Variants in RAB7A observed in about 807,000 individuals in gnomAD.
The protein encoded by RAB7A is RAB7A, member RAS oncogene family.
Under a neutral mutation model 24.5 loss-of-function variants are expected in RAB7A, and 2 were observed. The observed-to-expected ratio is 0.08, with a 90% confidence interval of 0.03 to 0.26. RAB7A has a LOEUF of 0.26. Among genes scored for constraint, RAB7A ranks in the 10% least tolerant of loss-of-function variants. The probability of loss-of-function intolerance (pLI) is 1.00; values close to 1 mark genes in which losing one functional copy is unlikely to be tolerated. For missense variants in RAB7A, 118 were observed against 255.7 expected (o/e 0.46, Z 3.67); for synonymous variants, 100 against 95.9 (o/e 1.04, Z -0.25).
chr3:128,748,452 A>G (rs1231281110), intron 1 of RAB7A: 1 of 151,500 alleles, frequency 6.6e-6, no homozygotes, highest in Admixed American at 6.6e-5. Context: ...GGAAGGTGGA[A>G]TATACTTTGG....
intron 1 of RAB7A, among the ~76,000 whole-genome samples, chr3:128,766,185 A>G (rs904949434): frequency 1.3e-5 from 2 of 152,340 alleles, no homozygotes; most frequent in African/African-American, 2.4e-5. Flanking sequence ...AAAAATTAAC[A>G]TGAACTCTGA....
intron 1 of RAB7A, among the ~76,000 whole-genome samples, chr3:128,774,175 A>G (rs1012532724): frequency 1.7e-4 from 25 of 146,014 alleles, no homozygotes; most frequent in African/African-American, 5.7e-4. Flanking sequence ...CCCCTAATAT[A>G]TGTATTAACT....
At chr3:128,773,905 C>G (rs1334618391) in intron 1 of RAB7A, among the ~76,000 whole-genome samples, 5 of 151,322 alleles carry the variant, frequency 3.3e-5, no homozygotes, top group Admixed American at 2.0e-4. Context: ...GAGTCATCAC[C>G]ACTCCCTAAT....
intron 1 of RAB7A, chr3:128,749,170 G>A (rs1279131076): frequency 1.3e-5 from 2 of 152,210 alleles, no homozygotes. Flanking sequence ...GCAGGAACTG[G>A]CCTCAGGTCT....
At chr3:128,737,825 GTTTTTTTTTTTTTTT>G (rs56027163) in intron 1 of RAB7A, among the ~76,000 whole-genome samples, 10,762 of 59,880 alleles carry the variant, frequency 0.18, 925 homozygotes, top group African/African-American at 0.32. Context: ...TTTTTTTGTA[GTTTTTTTTTTTTTTT>G]TTTTTTTTTT....
At chr3:128,764,379 G>A (rs1454864385) in intron 1 of RAB7A, 2 of 656,724 alleles carry the variant, frequency 3.0e-6, no homozygotes, top group Non-Finnish European at 5.5e-6. Flanking sequence ...ACAACTTATA[G>A]AAAAGGTAAA....
At chr3:128,765,261 C>G (rs2070819275) in intron 1 of RAB7A, among the ~76,000 whole-genome samples, 1 of 152,128 alleles carries the variant, frequency 6.6e-6, no homozygotes, top group Admixed American at 6.5e-5. Flanking sequence ...CAGTGCCTGT[C>G]CAGTACCCTC....
chr3:128,798,658 T>C (rs902587321), intron 3 of RAB7A, among the ~76,000 whole-genome samples: 2 of 151,824 alleles, frequency 1.3e-5, no homozygotes, highest in African/African-American at 2.4e-5. Flanking sequence ...TCCCTTTTTT[T>C]CCCCCATTGA....
chr3:128,727,045 C>T (rs1377570601), intron 1 of RAB7A, among the ~76,000 whole-genome samples: 4 of 152,212 alleles, frequency 2.6e-5, no homozygotes, highest in Non-Finnish European at 4.4e-5. Flanking sequence ...TGTTTCCATT[C>T]CGACCGTGTT....
At chr3:128,800,175 A>G (rs984877727) in intron 3 of RAB7A, among the ~76,000 whole-genome samples, 3 of 152,252 alleles carry the variant, frequency 2.0e-5, no homozygotes, top group African/African-American at 7.2e-5. Flanking sequence ...CAAAATCTTA[A>G]GAGCAACTAT....
At chr3:128,801,648 A>G (rs975792285) in intron 3 of RAB7A, among the ~76,000 whole-genome samples, 2 of 152,242 alleles carry the variant, frequency 1.3e-5, no homozygotes, top group African/African-American at 4.8e-5. Flanking sequence ...AAGGGCTGGA[A>G]GAATGAAAGA....
intron 5 of RAB7A, among the ~76,000 whole-genome samples, chr3:128,810,790 A>G (rs146092722): frequency 6.6e-6 from 1 of 152,250 alleles, no homozygotes; most frequent in Non-Finnish European, 1.5e-5. Flanking sequence ...GCGGTGGCTC[A>G]TGCCTGTAAT....
intron 1 of RAB7A, among the ~76,000 whole-genome samples, chr3:128,736,810 T>G (rs563300376): frequency 1.3e-5 from 2 of 152,300 alleles, no homozygotes; most frequent in African/African-American, 4.8e-5. Context: ...GAATCAAGTG[T>G]GATCCTACAT....
chr3:128,726,731 G>A (rs1196772445), intron 1 of RAB7A, among the ~76,000 whole-genome samples: 1 of 152,180 alleles, frequency 6.6e-6, no homozygotes, highest in Non-Finnish European at 1.5e-5. Flanking sequence ...GGGTGTCAGA[G>A]CCCACGCCGC....
chr3:128,800,973 T>C (rs1656770711), intron 3 of RAB7A, among the ~76,000 whole-genome samples: 1 of 152,244 alleles, frequency 6.6e-6, no homozygotes. Context: ...GTCATTATCC[T>C]GATCTTGAGG....
At chr3:128,729,328 T>C (rs964000852) in intron 1 of RAB7A, among the ~76,000 whole-genome samples, 6 of 152,156 alleles carry the variant, frequency 3.9e-5, no homozygotes, top group Admixed American at 6.5e-5. Context: ...CCCAGCACTT[T>C]GGGAGGCCGA....
intron 1 of RAB7A, among the ~76,000 whole-genome samples, chr3:128,733,431 TA>T (rs1442743992): frequency 3.9e-5 from 6 of 152,194 alleles, no homozygotes; most frequent in Non-Finnish European, 7.3e-5. Flanking sequence ...TGTATTTAAG[TA>T]AAAAGACTGA....
intron 1 of RAB7A, among the ~76,000 whole-genome samples, chr3:128,747,418 C>T (rs2070629176): frequency 6.6e-6 from 1 of 151,574 alleles, no homozygotes; most frequent in Admixed American, 6.6e-5. Context: ...GAAACTCCAT[C>T]TCTACTAAAA....
At chr3:128,728,376 T>C (rs2070400770) in intron 1 of RAB7A, among the ~76,000 whole-genome samples, 1 of 152,246 alleles carries the variant, frequency 6.6e-6, no homozygotes, top group Non-Finnish European at 1.5e-5. Flanking sequence ...TAGAAGATAA[T>C]ATTACAGTTT....
Sources: allele counts gnomAD v4.1 joint callset (sites outside exome capture counted in the v4.1 genomes callset), GRCh38; gene constraint gnomAD v4.1.1; transcripts MANE v1.5; gene names NCBI Gene and HGNC (gene_info 2026-07-23, HGNC 2026-07-21).